Variants in MBNL3 observed in about 807,000 individuals in gnomAD.
MBNL3 encodes the protein muscleblind-like protein 3.
MBNL3 carries 6 observed loss-of-function variants against 24.5 expected under a neutral mutation model. That is an observed-to-expected ratio of 0.25 (90% CI 0.13 to 0.48). MBNL3 has a LOEUF of 0.48. Among genes scored for constraint, MBNL3 ranks in the 20% least tolerant of loss-of-function variants. The pLI, the probability that MBNL3 is intolerant of heterozygous loss-of-function variation, is 0.99. For synonymous variants in MBNL3, 100 were observed against 101.7 expected (o/e 0.98, Z 0.10); for missense variants, 230 against 293.5 (o/e 0.78, Z 1.58).
intron 3 of MBNL3, among the ~76,000 whole-genome samples, chrX:132,396,335 CATATAT>C (rs1190834400): frequency 1.5e-5 from 1 of 64,951 alleles, no homozygotes; most frequent in African/African-American, 9.7e-5. Context: ...CATATATATT[CATATAT>C]ATTCATATAT....
At chrX:132,476,737 A>T (rs1947460529) in intron 1 of MBNL3, among the ~76,000 whole-genome samples, 1 of 112,048 alleles carries the variant, frequency 8.9e-6, no homozygotes, top group Admixed American at 9.5e-5. Flanking sequence ...AGTTGGCTTG[A>T]GCACTCCCTC....
chrX:132,396,949 CATATAT>C (rs375202529), intron 3 of MBNL3, among the ~76,000 whole-genome samples: 1 of 63,126 alleles, frequency 1.6e-5, no homozygotes, highest in African/African-American at 6.4e-5. Flanking sequence ...TATATATATT[CATATAT>C]ATTCATATAT....
At chrX:132,449,464 C>CTTTTTTTTTTT (rs751006249) in intron 1 of MBNL3, among the ~76,000 whole-genome samples, 12 of 29,783 alleles carry the variant, frequency 4.0e-4, no homozygotes, top group South Asian at 1.8e-3. Context: ...GCAACCCCTG[C>CTTTTTTTTTTT]TTTTTTTTTT....
At chrX:132,400,442 C>T (rs972395921) in intron 3 of MBNL3, among the ~76,000 whole-genome samples, 1 of 111,512 alleles carries the variant, frequency 9.0e-6, no homozygotes. Context: ...GCAAAAGGCC[C>T]GAATAACTAC....
At chrX:132,454,018 G>C (rs1401777372) in intron 1 of MBNL3, among the ~76,000 whole-genome samples, 1 of 111,903 alleles carries the variant, frequency 8.9e-6, no homozygotes, top group East Asian at 2.8e-4. Flanking sequence ...CTTGAGCCTG[G>C]GAGGCAGAGG....
chrX:132,382,300 A>G, intron 7 of MBNL3, 28 bp from the exon 8 acceptor site: 1 of 1,116,320 alleles, frequency 9.0e-7, no homozygotes, highest in Non-Finnish European at 1.2e-6. Context: ...TAGAAGCAAC[A>G]CACGGGAGGG....
At chrX:132,396,626 T>A (rs1293718252) in intron 3 of MBNL3, among the ~76,000 whole-genome samples, 1 of 36,047 alleles carries the variant, frequency 2.8e-5, no homozygotes, top group Non-Finnish European at 4.5e-5. Context: ...ATATATATAT[T>A]CATATATATT....
At chrX:132,396,690 T>TCA (rs1939081373) in intron 3 of MBNL3, among the ~76,000 whole-genome samples, 3 of 46,919 alleles carry the variant, frequency 6.4e-5, no homozygotes, top group African/African-American at 1.2e-4. Flanking sequence ...ATATATATAT[T>TCA]CATATATATA....
chrX:132,451,705 G>A (rs1017825254), intron 1 of MBNL3, among the ~76,000 whole-genome samples: 1 of 111,346 alleles, frequency 9.0e-6, no homozygotes, highest in Non-Finnish European at 1.9e-5. Flanking sequence ...TATTCCAGGT[G>A]CCACTGGGGT....
chrX:132,421,015 T>C (rs1298514393), intron 2 of MBNL3, among the ~76,000 whole-genome samples: 1 of 111,998 alleles, frequency 8.9e-6, no homozygotes, highest in African/African-American at 3.2e-5. Context: ...CACAGTATTT[T>C]ATTAGAAAGA....
At position 132,469,423 on chromosome X, in the gene MBNL3, C is replaced by G. The variant is rs189486316; in HGVS notation, c.-704+19428G>C. ...GATGTTGGGAAGGCAATGATTTGGT[C>G]CACATGTAAGGCAGCACGGCCAAGT... is the stretch of plus-strand genomic sequence containing the variant. On this transcript the variant is annotated intron_variant, in intron 1 of 8. Coordinates refer to ENST00000370853, the MANE Select transcript of MBNL3 (RefSeq NM_001386889.1). Among the ~76,000 whole-genome samples the G allele has an allele frequency of 1.2e-4, 14 of 112,567 alleles. No homozygotes were observed. In the East Asian group the frequency reaches 3.9e-3, roughly 31 times the overall value.
At chrX:132,469,769 TTTAG>T (rs751050141) in intron 1 of MBNL3, among the ~76,000 whole-genome samples, 1 of 111,546 alleles carries the variant, frequency 9.0e-6, no homozygotes, top group African/African-American at 3.3e-5. Context: ...TTCAGTGATT[TTTAG>T]TATTATTTAA....
chrX:132,392,400 G>A, intron 3 of MBNL3, 66 bp from the exon 4 acceptor site: 5 of 886,045 alleles, frequency 5.6e-6, no homozygotes, highest in Non-Finnish European at 6.1e-6. Context: ...ACACAAAGAG[G>A]TATTCTTTCA....
intron 1 of MBNL3, among the ~76,000 whole-genome samples, chrX:132,440,824 A>G (rs1035349083): frequency 1.3e-4 from 15 of 113,024 alleles, no homozygotes; most frequent in African/African-American, 4.8e-4. Flanking sequence ...AAGATACAGG[A>G]AAGGTTAATT....
chrX:132,406,387 C>T lies in MBNL3; in HGVS notation c.183G>A (p.Arg61=). 1 of 1,181,720 alleles carries T rather than the reference C, an allele frequency of 8.5e-7. No individual in the cohort carries two copies. The highest frequency in any genetic ancestry group is 1.1e-6 in the Non-Finnish European group (1 of 880,422). ...GGTACTTGCAGTTCTCTCGGGTACA[C>T]CGACCCTGACAATGAAGAATAGGGA... The part of the protein sequence containing the change: ...VVACFDSLKG[R]CTRENCKYLH... Residue 61 remains arginine, a synonymous_variant, in exon 3 of 9, where the codon CGG becomes CGA. Transcript: ENST00000370853.
intron 3 of MBNL3, among the ~76,000 whole-genome samples, chrX:132,392,807 C>A (rs914537623): frequency 1.8e-5 from 2 of 111,112 alleles, no homozygotes; most frequent in Admixed American, 1.9e-4. Context: ...ACAGGCCCCA[C>A]CTGTACTACC....
chrX:132,369,709 A>AT lies in MBNL3; in HGVS notation c.*9956dup, dbSNP rs1228031531. 1.8e-5 allele frequency: 2 copies of AT among 111,743 alleles called. No individual in the cohort carries two copies. Among genetic ancestry groups the AT allele is most frequent in the South Asian group, 3.7e-4 (1 of 2,672 alleles). 9.2% of individuals were successfully genotyped at this position (111,743 alleles called of 1,213,427 possible). On this transcript the variant is annotated 3_prime_UTR_variant, in exon 9 of 9. Transcript: ENST00000370853. ...CTGGTATTCATCCAGTTACACTATG[A>AT]TTTTTTAAAAATAAATCTTTCCTTG... is the stretch of plus-strand genomic sequence containing the variant.
At chrX:132,484,585 A>C (rs113286337) in intron 1 of MBNL3, among the ~76,000 whole-genome samples, 5 of 111,651 alleles carry the variant, frequency 4.5e-5, no homozygotes, top group African/African-American at 1.6e-4. Context: ...CCTAAATGGA[A>C]AACAAAATCC....
intron 1 of MBNL3, among the ~76,000 whole-genome samples, chrX:132,459,126 T>C (rs1293534660): frequency 2.9e-5 from 3 of 104,143 alleles, no homozygotes; most frequent in African/African-American, 7.0e-5. Context: ...TAAATACTAG[T>C]TGAGTTGAAA....
Sources: gnomAD v4.1 joint callset for allele counts (sites outside exome capture counted in the v4.1 genomes callset) on GRCh38, gnomAD v4.1.1 for gene constraint, MANE v1.5 for transcripts, NCBI Gene and HGNC (gene_info 2026-07-23, HGNC 2026-07-21) for gene names.